The following TMEM176B variants were observed in gnomAD, a reference collection of about 807,000 sequenced individuals.
TMEM176B encodes the protein LR8-like protein.
TMEM176B carries 28 observed loss-of-function variants against 30.3 expected under a neutral mutation model. The ratio of observed to expected loss-of-function variants is 0.92; its 90% CI spans 0.68 to 1.27. TMEM176B has a LOEUF of 1.27. Ranked by LOEUF, TMEM176B falls within the 50% of genes most tolerant of loss-of-function variation. The pLI is 0.00. For synonymous variants in TMEM176B, 123 were observed against 130.3 expected (o/e 0.94, Z 0.38); for missense variants, 349 against 327.4 (o/e 1.07, Z -0.51).
At chr7:150,793,829 T>C (rs1391954954) in intron 3 of TMEM176B, 132 bp downstream of exon 3, 1 of 908,982 alleles carries the variant, frequency 1.1e-6, no homozygotes, top group East Asian at 2.5e-5. Flanking sequence ...CAGAGCAGCC[T>C]CCTCATGGCC....
At chr7:150,796,600 T>C (rs1176789338) in intron 1 of TMEM176B, 26 bp from the exon 2 acceptor site, 3 of 1,610,640 alleles carry the variant, frequency 1.9e-6, no homozygotes, top group Non-Finnish European at 2.5e-6. Context: ...CATATAGCAG[T>C]GAGGTCTGGG....
At chr7:150,797,671 G>C (rs913478594) in intron 1 of TMEM176B, among the ~76,000 whole-genome samples, 1 of 152,106 alleles carries the variant, frequency 6.6e-6, no homozygotes. Context: ...GGTTATTTAC[G>C]CATGAGAACC....
At chr7:150,792,246 C>T (rs1798344714) in intron 5 of TMEM176B, 71 bp from the exon 6 acceptor site, 4 of 1,582,570 alleles carry the variant, frequency 2.5e-6, no homozygotes, top group South Asian at 1.1e-5. Context: ...ACCACCCTCT[C>T]CACCCACCCA....
chr7:150,792,944 T>C (rs531939460), intron 5 of TMEM176B, 144 bp downstream of exon 5: 1 of 704,746 alleles, frequency 1.4e-6, no homozygotes, highest in South Asian at 1.8e-5. Context: ...AAAATGTCTG[T>C]AGCTTACATT....
intron 6 of TMEM176B, 143 bp from the exon 7 acceptor site, chr7:150,791,766 G>C: frequency 1.2e-6 from 1 of 848,964 alleles, no homozygotes. Context: ...AAAAAAACAA[G>C]GTGGCAGAGG....
chr7:150,791,354 T>G lies in TMEM176B; in HGVS notation c.*177A>C. 1.8e-6 allele frequency: 1 copy of G among 541,608 alleles called. No individual in the cohort carries two copies. Among genetic ancestry groups the G allele is most frequent in the East Asian group, 2.9e-5 (1 of 34,660 alleles). 33.6% of individuals were successfully genotyped at this position (541,608 alleles called of 1,614,324 possible). A position where few individuals can be genotyped will look rare whatever the true frequency, so the allele number is the denominator to read the frequency against. ...ATCAGCATTGTGGAAAATGCAACAATATCTGTTCATGGACTTGAGAACCCC... is the reference window on the plus strand; with the variant it reads ...ATCAGCATTGTGGAAAATGCAACAAGATCTGTTCATGGACTTGAGAACCCC... On this transcript the variant is annotated 3_prime_UTR_variant, in exon 7 of 7. Transcript: ENST00000326442.
Position 150,791,458 on chromosome 7 carries a change from G to T in TMEM176B, c.*73C>A. 1 of 1,298,976 alleles carries T rather than the reference G, an allele frequency of 7.7e-7. No homozygotes were observed. The highest frequency in any genetic ancestry group is 1.1e-6 in the Non-Finnish European group (1 of 914,552). The allele number at this position is 1,298,976 out of a possible 1,614,324, so 80.5% of individuals were successfully genotyped here. On this transcript the variant is annotated 3_prime_UTR_variant, in exon 7 of 7. Coordinates refer to ENST00000326442, the MANE Select transcript of TMEM176B (RefSeq NM_001101312.2). ...GAGCGGCCATAGGGGAGGCAAGTGT[G>T]AGGAGCCAGGAGTGGGGGCCCTGGG...
intron 1 of TMEM176B, chr7:150,799,934 C>G (rs890052983): frequency 6.6e-6 from 1 of 152,286 alleles, no homozygotes; most frequent in Non-Finnish European, 1.5e-5. Flanking sequence ...GAACACTTTC[C>G]TCTGTCCAGC....
chr7:150,798,466 G>A (rs1798613494), intron 1 of TMEM176B, among the ~76,000 whole-genome samples: 3 of 152,160 alleles, frequency 2.0e-5, no homozygotes, highest in South Asian at 2.1e-4. Flanking sequence ...TAGTAGAGAC[G>A]GGGTTTCACC....
intron 3 of TMEM176B, 41 bp downstream of exon 3, chr7:150,793,920 C>A (rs760638129): frequency 6.6e-6 from 10 of 1,510,484 alleles, no homozygotes; most frequent in Non-Finnish European, 4.5e-6. Context: ...TGCCCATCAC[C>A]ACTTGCCTCC....
chr7:150,799,119 C>T (rs967015598), intron 1 of TMEM176B, among the ~76,000 whole-genome samples: 1 of 152,196 alleles, frequency 6.6e-6, no homozygotes, highest in Admixed American at 6.5e-5. Flanking sequence ...GGGTGACCAA[C>T]CTTCGCCGTT....
At chr7:150,801,283 A>G, upstream of TMEM176B, 1 of 388,228 alleles carries the variant, frequency 2.6e-6, no homozygotes, top group Non-Finnish European at 4.6e-6. Flanking sequence ...GAGGAGGATG[A>G]GGGGGACAGA....
chr7:150,792,535 G>C (rs1207643471), intron 5 of TMEM176B, among the ~76,000 whole-genome samples: 1 of 152,176 alleles, frequency 6.6e-6, no homozygotes, highest in Non-Finnish European at 1.5e-5. Flanking sequence ...TTGGAATCCA[G>C]TTTCTGTGCT....
At chr7:150,791,754 A>G in intron 6 of TMEM176B, 131 bp from the exon 7 acceptor site, 1 of 895,620 alleles carries the variant, frequency 1.1e-6, no homozygotes, top group East Asian at 2.7e-5. Context: ...AGATCAGGCA[A>G]AAAAAAAACA....
At chr7:150,796,957 A>C (rs1798553214) in intron 1 of TMEM176B, among the ~76,000 whole-genome samples, 1 of 152,074 alleles carries the variant, frequency 6.6e-6, no homozygotes, top group Non-Finnish European at 1.5e-5. Context: ...CCATCTCAAA[A>C]AAAACAAAAA....
Position 150,791,496 on chromosome 7 carries a change from G to T in TMEM176B, c.*35C>A. 1 of 1,591,032 alleles carries T rather than the reference G, an allele frequency of 6.3e-7. No individual in the cohort carries two copies. Among genetic ancestry groups the T allele is most frequent in the South Asian group, 1.1e-5 (1 of 90,410 alleles). On this transcript the variant is annotated 3_prime_UTR_variant, in exon 7 of 7. Coordinates refer to ENST00000326442, the MANE Select transcript of TMEM176B (RefSeq NM_001101312.2). ...TGGGGGCCCTGGGCTGCCCTAGACA[G>T]GGACATGCGGGCACCCCGTGGGGTC...
At chr7:150,793,464 A>G in intron 4 of TMEM176B, 80 bp downstream of exon 4, 1 of 1,567,130 alleles carries the variant, frequency 6.4e-7, no homozygotes, top group Non-Finnish European at 8.7e-7. Context: ...ATTGACAACC[A>G]AAGGGCAGAA....
upstream of TMEM176B, chr7:150,800,835 C>A (rs1020450299): frequency 2.5e-6 from 2 of 805,984 alleles, no homozygotes; most frequent in African/African-American, 1.9e-5. Flanking sequence ...GCAGGTGAGG[C>A]GGCACCCCAC....
rs1401071564 is a variant in TMEM176B, at chr7:150,791,447, G to A, written c.*84C>T. The A allele has an allele frequency of 1.8e-6, 2 of 1,123,404 alleles. No individual in the cohort carries two copies. The highest frequency in any genetic ancestry group is 2.7e-5 in the South Asian group (2 of 74,806). 69.6% of individuals were successfully genotyped at this position (1,123,404 alleles called of 1,614,324 possible). A position where few individuals can be genotyped will look rare whatever the true frequency, so the allele number is the denominator to read the frequency against. On this transcript the variant is annotated 3_prime_UTR_variant, in exon 7 of 7. Coordinates refer to ENST00000326442, the MANE Select transcript of TMEM176B (RefSeq NM_001101312.2). ...GAGGGTCTGGAGAGCGGCCATAGGG[G>A]AGGCAAGTGTGAGGAGCCAGGAGTG...
Sources: allele counts gnomAD v4.1 joint callset (sites outside exome capture counted in the v4.1 genomes callset), GRCh38; gene constraint gnomAD v4.1.1; transcripts MANE v1.5; gene names NCBI Gene and HGNC (gene_info 2026-07-23, HGNC 2026-07-21).